MAP4K5: variants seen among roughly 807,000 people sequenced by gnomAD.
MAP4K5 encodes MAPK/ERK kinase kinase kinase 5.
MAP4K5 carries 82 observed loss-of-function variants against 135.6 expected under a neutral mutation model. The ratio of observed to expected loss-of-function variants is 0.60; its 90% CI spans 0.51 to 0.73. MAP4K5 has a LOEUF of 0.73. Among genes scored for constraint, MAP4K5 ranks in the 30% least tolerant of loss-of-function variants. The pLI, the probability that MAP4K5 is intolerant of heterozygous loss-of-function variation, is 0.00. For missense variants in MAP4K5, 907 were observed against 1,010.9 expected, an observed-to-expected ratio of 0.90 and a Z score of 1.39; for synonymous variants, 347 against 335.0, an observed-to-expected ratio of 1.04 and a Z score of -0.39.
chr14:50,446,351 T>C (rs1174597959), intron 16 of MAP4K5, among the ~76,000 whole-genome samples: 1 of 152,226 alleles, frequency 6.6e-6, no homozygotes, highest in East Asian at 1.9e-4. Flanking sequence ...ATTTTACTTT[T>C]ATGGTTATGC....
At chr14:50,464,167 A>C (rs947855864) in intron 11 of MAP4K5, 34 bp from the exon 12 acceptor site, 2 of 1,018,566 alleles carry the variant, frequency 2.0e-6, no homozygotes, top group African/African-American at 1.6e-5. Flanking sequence ...AAAATATTTC[A>C]CTACTATTAC....
At chr14:50,529,982 T>C (rs1327068424) in intron 2 of MAP4K5, among the ~76,000 whole-genome samples, 1 of 151,986 alleles carries the variant, frequency 6.6e-6, no homozygotes, top group African/African-American at 2.4e-5. Context: ...CAGGTGGAAA[T>C]GGAGGGGTGG....
At chr14:50,524,759 G>A (rs1404950316) in intron 2 of MAP4K5, among the ~76,000 whole-genome samples, 3 of 152,150 alleles carry the variant, frequency 2.0e-5, no homozygotes, top group East Asian at 1.9e-4. Context: ...GTATGGATAC[G>A]GTATTGGGAT....
In MAP4K5 at chr14:50,428,376, C is replaced by T. The variant is rs370188185; in HGVS notation, c.2326+286G>A. 7.2e-5 allele frequency among the ~76,000 whole-genome samples: 11 copies of T among 152,252 alleles called. No individual in the cohort carries two copies. The East Asian group carries it at 7.7e-4, about 11-fold the overall frequency. ...GTTCAAGCGATTCTCCTGCCTCAGC[C>T]TCCCAAGTAGTTGGGATTACAGGCA... On this transcript the variant is annotated intron_variant, in intron 30 of 32. Transcript: ENST00000682126.
chr14:50,472,159 TAA>T (rs60203442), intron 9 of MAP4K5: 1,773 of 108,176 alleles, frequency 0.016, 33 homozygotes, highest in African/African-American at 0.048. Flanking sequence ...TCTATGAAGG[TAA>T]AAAAAAAAAA....
intron 5 of MAP4K5, chr14:50,483,252 C>T (rs1314487894): frequency 2.0e-5 from 3 of 151,872 alleles, no homozygotes; most frequent in Non-Finnish European, 4.4e-5. Flanking sequence ...AAAAAATAAC[C>T]GTGTCACTTT....
intron 31 of MAP4K5, 144 bp downstream of exon 31, chr14:50,425,763 T>C (rs954857134): frequency 6.1e-6 from 3 of 492,576 alleles, no homozygotes; most frequent in Admixed American, 6.8e-5. Flanking sequence ...GAAGGGAAAA[T>C]ACTGGCTTTT....
chr14:50,428,332 T>C (rs550410225), intron 30 of MAP4K5, among the ~76,000 whole-genome samples: 12 of 152,270 alleles, frequency 7.9e-5, no homozygotes, highest in African/African-American at 2.6e-4. Context: ...CTCAGCTCAC[T>C]GCAACCTCCG....
chr14:50,514,190 G>T (rs1357277042), intron 2 of MAP4K5, among the ~76,000 whole-genome samples: 3 of 152,042 alleles, frequency 2.0e-5, no homozygotes, highest in Admixed American at 2.0e-4. Flanking sequence ...CAATTCTCGT[G>T]CCTCAGCCTC....
chr14:50,426,276 G>GT (rs2035844637), intron 30 of MAP4K5, among the ~76,000 whole-genome samples: 1 of 152,038 alleles, frequency 6.6e-6, no homozygotes, highest in South Asian at 2.1e-4. Flanking sequence ...AAGATACAGT[G>GT]TATCTTTTGT....
In MAP4K5 at chr14:50,443,961, T is replaced by G; in HGVS notation, c.1415A>C (p.Lys472Thr). 1 of 1,608,730 alleles carries G rather than the reference T, an allele frequency of 6.2e-7. No individual in the cohort carries two copies. The highest frequency in any genetic ancestry group is 1.3e-5 in the African/African-American group (1 of 75,030). ...TACAGGGAAGTCTCGTTTGTCCTTT[T>G]TTCGTGGTAACTGTGGTGCTTGTGC... ...GSAQAPQLPR[K>T]KDKRDFPKPA... The change falls in exon 19 of 33, where the codon AAA becomes ACA. Residue 472 changes from lysine to threonine, a missense_variant. By Grantham distance (78) the Lys-to-Thr change is moderately conservative (BLOSUM62 -1). Coordinates refer to ENST00000682126, the MANE Select transcript of MAP4K5 (RefSeq NM_006575.6).
chr14:50,538,863 C>T (rs983695325), intron 2 of MAP4K5, among the ~76,000 whole-genome samples: 2 of 152,184 alleles, frequency 1.3e-5, no homozygotes, highest in African/African-American at 4.8e-5. Context: ...GGCTAGAATG[C>T]AGTGGCTATT....
chr14:50,443,939 A>T lies in MAP4K5; in HGVS notation c.1437T>A (p.Pro479=). The change falls in exon 19 of 33, where the codon CCT becomes CCA. Residue 479 remains proline (P), a splice_region_variant and synonymous_variant. Coordinates refer to ENST00000682126, the MANE Select transcript of MAP4K5 (RefSeq NM_006575.6). ...ATTGCTAAATGCCTGTTATACCTAC[A>T]GGGAAGTCTCGTTTGTCCTTTTTTC... ...LPRKKDKRDF[P]KPAINGLPPT... is the part of the protein sequence containing the mutation. 6.2e-7 allele frequency: 1 copy of T among 1,601,800 alleles called. No homozygotes were observed. Among genetic ancestry groups the T allele is most frequent in the Non-Finnish European group, 8.5e-7 (1 of 1,172,388 alleles).
intron 23 of MAP4K5, 116 bp from the exon 24 acceptor site, chr14:50,438,210 C>T (rs2036143003): frequency 3.6e-6 from 2 of 556,660 alleles, no homozygotes; most frequent in Admixed American, 6.1e-5. Flanking sequence ...TTTAAATTAA[C>T]AGATAATTTT....
At chr14:50,558,620 G>A (rs576652119) in intron 1 of MAP4K5, among the ~76,000 whole-genome samples, 10 of 151,962 alleles carry the variant, frequency 6.6e-5, no homozygotes, top group Non-Finnish European at 5.9e-5. Context: ...TTTTCAATTG[G>A]GCATAGGTGT....
intron 14 of MAP4K5, chr14:50,449,680 A>G (rs1253947974): frequency 6.6e-6 from 1 of 152,212 alleles, no homozygotes; most frequent in Admixed American, 6.5e-5. Flanking sequence ...TTTTTCAATA[A>G]AAGTTTAGAA....
intron 16 of MAP4K5, 86 bp downstream of exon 16, chr14:50,447,328 T>C: frequency 2.5e-6 from 2 of 806,376 alleles, no homozygotes; most frequent in South Asian, 2.1e-5. Context: ...GAATGCAAAT[T>C]AAAGCTTATT....
In MAP4K5 at chr14:50,482,382, A is replaced by G. The variant is rs2037263559; in HGVS notation, c.357T>C (p.Tyr119=). The change falls in exon 6 of 33, where the codon TAT becomes TAC. Residue 119 remains tyrosine, a synonymous_variant. Transcript: ENST00000682126. The part of the protein sequence containing the change: ...TGPLSELQIA[Y]VCRETLQGLA... ...GTACCTGTAAGGTTTCTCTGCATAC[A>G]TAGGCTATTTGCAATTCTGATAATG... 2.6e-6 allele frequency: 4 copies of G among 1,534,216 alleles called. No homozygotes were observed. The highest frequency in any genetic ancestry group is 3.5e-6 in the Non-Finnish European group (4 of 1,142,128).
Position 50,553,062 on chromosome 14 carries a change from A to G in MAP4K5, c.-180+7978T>C, listed in dbSNP as rs901565316. 3.3e-5 allele frequency among the ~76,000 whole-genome samples: 5 copies of G among 152,174 alleles called. No individual in the cohort carries two copies. The South Asian group carries it at 8.3e-4, about 25-fold the overall frequency. ...GTAATCTCAGCACTTTGGGAGGCTGAGGCGGGTAGATTACTTGAGGTCAGG... is the reference window on the plus strand; with the variant it reads ...GTAATCTCAGCACTTTGGGAGGCTGGGGCGGGTAGATTACTTGAGGTCAGG... On this transcript the variant is annotated intron_variant, in intron 1 of 8. Coordinates refer to the MAP4K5 transcript ENST00000555216.
Sources: gnomAD v4.1 joint callset for allele counts (sites outside exome capture counted in the v4.1 genomes callset) on GRCh38, gnomAD v4.1.1 for gene constraint, MANE v1.5 for transcripts, NCBI Gene and HGNC (gene_info 2026-07-23, HGNC 2026-07-21) for gene names.